The following XAB2 variants were observed in gnomAD, a reference collection of about 807,000 sequenced individuals.
XAB2 encodes the protein XPA binding protein 2.
Under a neutral mutation model 113.4 loss-of-function variants are expected in XAB2, and 57 were observed. The ratio of observed to expected loss-of-function variants is 0.50; its 90% CI spans 0.41 to 0.63. The LOEUF (loss-of-function observed/expected upper bound fraction) is 0.63. Ranked by LOEUF, XAB2 falls within the 20% of genes least tolerant of loss-of-function variation. XAB2 has a pLI of 0.00. For synonymous variants in XAB2, 497 were observed against 498.8 expected (o/e 1.00, Z 0.05); for missense variants, 1,037 against 1,233.3 (o/e 0.84, Z 2.38).
chr19:7,627,193 G>A lies in XAB2; in HGVS notation c.522+50C>T. Reference sequence around the variant, plus strand: ...CTACGCGGAGCTAGTGTCACAGTGAGGCCGTTTCTGGAAACTAACCTGGGG... The same window carrying A: ...CTACGCGGAGCTAGTGTCACAGTGAAGCCGTTTCTGGAAACTAACCTGGGG... On this transcript the variant is annotated intron_variant, in intron 4 of 18. Transcript: ENST00000358368. This position sits in a 1 kb window ranked among gnomAD's most constrained non-coding sequence, Gnocchi z 4.5. The A allele has an allele frequency of 1.3e-6, 2 of 1,596,876 alleles. No homozygotes were observed. Among genetic ancestry groups the A allele is most frequent in the Non-Finnish European group, 1.7e-6 (2 of 1,173,868 alleles).
In XAB2 at chr19:7,623,722, T is replaced by C. The variant is rs1160745009; in HGVS notation, c.1119+9A>G. On this transcript the variant is annotated intron_variant, in intron 8 of 18. Coordinates refer to ENST00000358368, the MANE Select transcript of XAB2 (RefSeq NM_020196.3). The surrounding 1 kb of genome is among the most constrained non-coding windows in gnomAD (Gnocchi z 4.6). ...CCTCAGGGGTAGGACTGGGGCAGGC[T>C]TCATGTACCTCCCGGGGGCGGCCCT... 1 of 1,590,258 alleles carries C rather than the reference T, an allele frequency of 6.3e-7. No homozygotes were observed. The highest frequency in any genetic ancestry group is 1.1e-5 in the South Asian group (1 of 88,418).
Position 7,623,787 on chromosome 19 carries a change from G to A in XAB2, c.1063C>T (p.His355Tyr), listed in dbSNP as rs746330404. The A allele has an allele frequency of 1.4e-5, 23 of 1,612,152 alleles. No individual in the cohort carries two copies. In the South Asian group the frequency reaches 2.4e-4, roughly 17 times the overall value. ...LNSVLLRQNP[H>Y]HVHEWHKRVA... ...CGCTTGTGCCACTCGTGCACGTGGT[G>A]TGGGTTTTGGCGCAGCAAGACGCTG... The change falls in exon 8 of 19, where the codon CAC becomes TAC. Residue 355 changes from histidine (H) to tyrosine (Y), a missense_variant. Physicochemically the swap from His to Tyr is moderately conservative, Grantham distance 83 (BLOSUM62 2). Coordinates refer to ENST00000358368, the MANE Select transcript of XAB2 (RefSeq NM_020196.3). This position sits in a 1 kb window ranked among gnomAD's most constrained non-coding sequence, Gnocchi z 4.6.
In XAB2 at chr19:7,627,959, G is replaced by A; in HGVS notation, c.201-108C>T. 6.5e-7 allele frequency: 1 copy of A among 1,535,690 alleles called. No individual in the cohort carries two copies. Among genetic ancestry groups the A allele is most frequent in the Non-Finnish European group, 8.8e-7 (1 of 1,135,258 alleles). On this transcript the variant is annotated intron_variant, in intron 2 of 18. Coordinates refer to ENST00000358368, the MANE Select transcript of XAB2 (RefSeq NM_020196.3). The surrounding 1 kb of genome is among the most constrained non-coding windows in gnomAD (Gnocchi z 4.5). ...TGTGGGAAGAAGGGGTGTGGGAGGG[G>A]TGACATGTCTCAGCAATGACAGGGA...
In XAB2 at chr19:7,628,698, C is replaced by T. The variant is rs1033074987; in HGVS notation, c.52-400G>A. Among the ~76,000 whole-genome samples, 2 of 152,270 alleles carry T rather than the reference C, an allele frequency of 1.3e-5. No homozygotes were observed. The highest frequency in any genetic ancestry group is 2.1e-4 in the South Asian group (1 of 4,828). On this transcript the variant is annotated intron_variant, in intron 1 of 18. Coordinates refer to ENST00000358368, the MANE Select transcript of XAB2 (RefSeq NM_020196.3). This position sits in a 1 kb window ranked among gnomAD's most constrained non-coding sequence, Gnocchi z 4.6. ...ACGTGCCTCTTCCCAGACACCAGGCCTTTGGCCCCTCAGACTCCCACTGTC... is the reference window on the plus strand; with the variant it reads ...ACGTGCCTCTTCCCAGACACCAGGCTTTTGGCCCCTCAGACTCCCACTGTC...
rs1337733313 is a variant in XAB2 at position 7,628,756 on chromosome 19, T to C, written c.52-458A>G. ...GACCCATCTCCACCCCAGGCCCAGA[T>C]GACCAGATCTTTACCCCAGCCACCA... On this transcript the variant is annotated intron_variant, in intron 1 of 18. Coordinates refer to ENST00000358368, the MANE Select transcript of XAB2 (RefSeq NM_020196.3). The surrounding 1 kb of genome is among the most constrained non-coding windows in gnomAD (Gnocchi z 4.6). 6.6e-6 allele frequency among the ~76,000 whole-genome samples: 1 copy of C among 152,120 alleles called. No individual in the cohort carries two copies. Among genetic ancestry groups the C allele is most frequent in the Non-Finnish European group, 1.5e-5 (1 of 68,024 alleles).
At chr19:7,626,401 C>T in intron 4 of XAB2, 131 bp from the exon 5 acceptor site, 1 of 1,321,508 alleles carries the variant, frequency 7.6e-7, no homozygotes, top group East Asian at 2.3e-5. Flanking sequence ...CCCTGTCAAA[C>T]CAGCCTCAGC....
At position 7,621,025 on chromosome 19, in the gene XAB2, G is replaced by T; in HGVS notation, c.1792C>A (p.Leu598Met). 1 of 1,556,852 alleles carries T rather than the reference G, an allele frequency of 6.4e-7. No individual in the cohort carries two copies. ...PPKYAKTLYLLYAQLEEEWGL... is the reference protein window; with the variant it reads ...PPKYAKTLYLMYAQLEEEWGL... ...CACTCCTCCTCCAGCTGTGCGTACA[G>T]CAGGTACAAGGCTGGGCGGGGTAGG... is the stretch of plus-strand genomic sequence containing the variant. The change falls in exon 14 of 19, where the codon CTG becomes ATG. Residue 598 changes from leucine to methionine, a missense_variant. Physicochemically the swap from Leu to Met is conservative, Grantham distance 15. Transcript: ENST00000358368.
At position 7,627,576 on chromosome 19, in the gene XAB2, A is replaced by G; in HGVS notation, c.325-136T>C. On this transcript the variant is annotated intron_variant, in intron 3 of 18. Coordinates refer to ENST00000358368, the MANE Select transcript of XAB2 (RefSeq NM_020196.3). This position sits in a 1 kb window ranked among gnomAD's most constrained non-coding sequence, Gnocchi z 4.5. ...GCGGGACCCAGAAACCCCCAGCTCC[A>G]GGACTGAGTCCAGCCCAACTTCCCA... The G allele has an allele frequency of 6.6e-7, 1 of 1,510,278 alleles. No individual in the cohort carries two copies. The highest frequency in any genetic ancestry group is 9.0e-7 in the Non-Finnish European group (1 of 1,112,702). The allele number at this position is 1,510,278 out of a possible 1,614,324, so 93.6% of individuals were successfully genotyped here.
At chr19:7,622,041 G>T (rs920485240) in intron 12 of XAB2, 1 of 354,006 alleles carries the variant, frequency 2.8e-6, no homozygotes, top group African/African-American at 2.1e-5. Context: ...TCCTTTATAA[G>T]AAGAGGAAAT....
At chr19:7,626,949 A>G (rs927718891) in intron 4 of XAB2, among the ~76,000 whole-genome samples, 6 of 152,142 alleles carry the variant, frequency 3.9e-5, no homozygotes, top group Non-Finnish European at 7.3e-5. Flanking sequence ...ACTCTAGTTC[A>G]TGCCATCAGC....
rs535924698 is a variant in XAB2, at chr19:7,627,457, A to G, written c.325-17T>C. ...ACGAGGCATCTGGGGGTGTGGGGAGAGGCGGCTGGGGCTAAGCCACGGACT... is the reference window on the plus strand; with the variant it reads ...ACGAGGCATCTGGGGGTGTGGGGAGGGGCGGCTGGGGCTAAGCCACGGACT... On this transcript the variant is annotated splice_polypyrimidine_tract_variant and intron_variant, in intron 3 of 18. Transcript: ENST00000358368. This position sits in a 1 kb window ranked among gnomAD's most constrained non-coding sequence, Gnocchi z 4.5. The G allele has an allele frequency of 1.9e-6, 3 of 1,594,748 alleles. No homozygotes were observed. In the South Asian group the frequency reaches 3.4e-5, roughly 18 times the overall value.
In XAB2 at chr19:7,627,956, G is replaced by A. The variant is rs116606298; in HGVS notation, c.201-105C>T. On this transcript the variant is annotated intron_variant, in intron 2 of 18. Transcript: ENST00000358368. The surrounding 1 kb of genome is among the most constrained non-coding windows in gnomAD (Gnocchi z 4.5). ...AAATGTGGGAAGAAGGGGTGTGGGA[G>A]GGGTGACATGTCTCAGCAATGACAG... 2,586 of 1,538,888 alleles carry A rather than the reference G, an allele frequency of 1.7e-3. 25 individuals carry two copies. In the African/African-American group the frequency reaches 0.02, roughly 12 times the overall value.
In XAB2 at chr19:7,628,376, C is replaced by G; in HGVS notation, c.52-78G>C. 1.3e-6 allele frequency: 2 copies of G among 1,577,174 alleles called. No homozygotes were observed. The highest frequency in any genetic ancestry group is 1.3e-5 in the African/African-American group (1 of 74,160). On this transcript the variant is annotated intron_variant, in intron 1 of 18. Coordinates refer to ENST00000358368, the MANE Select transcript of XAB2 (RefSeq NM_020196.3). The surrounding 1 kb of genome is among the most constrained non-coding windows in gnomAD (Gnocchi z 4.6). ...GCAGCACCATCCCACTGCTGGGGCT[C>G]AGGTCCAAACTCCGGACTTTTACCT...
intron 1 of XAB2, among the ~76,000 whole-genome samples, 158 bp downstream of exon 1, chr19:7,629,319 T>G (rs1020813423): frequency 1.3e-5 from 2 of 152,206 alleles, no homozygotes; most frequent in Admixed American, 6.5e-5. Flanking sequence ...GACAGTTCGG[T>G]GCGGACATGA....
At chr19:7,629,268 C>G (rs1234307672) in intron 1 of XAB2, among the ~76,000 whole-genome samples, 1 of 152,240 alleles carries the variant, frequency 6.6e-6, no homozygotes, top group African/African-American at 2.4e-5. Flanking sequence ...CAGTGGTTTT[C>G]TACTCAGACC....
At position 7,626,037 on chromosome 19, in the gene XAB2, TGCC is replaced by T; in HGVS notation, c.662_664del (p.Trp221_His222delinsTyr). ...CTGGGAGATGAGGTCGCACAGCTCG[TGCC>T]ACAGCTGCAGGGCATGGGGCAGTGG... On this transcript the variant is annotated inframe_deletion, in exon 6 of 19. Transcript: ENST00000358368. 1 of 1,609,288 alleles carries T rather than the reference TGCC, an allele frequency of 6.2e-7. No homozygotes were observed. Among genetic ancestry groups the T allele is most frequent in the Non-Finnish European group, 8.5e-7 (1 of 1,176,366 alleles).
In XAB2 at chr19:7,624,461, G is replaced by C. The variant is rs754974069; in HGVS notation, c.823-16C>G. 23 of 1,613,794 alleles carry C rather than the reference G, an allele frequency of 1.4e-5. No homozygotes were observed. The highest frequency in any genetic ancestry group is 1.9e-5 in the Non-Finnish European group (23 of 1,179,986). ...CGTCCCGAGCCTGTGGGGACCCAGG[G>C]AAGGGGAGGTGAGAGGAAAGTGGCG... On this transcript the variant is annotated splice_polypyrimidine_tract_variant and intron_variant, in intron 6 of 18. Transcript: ENST00000358368. The surrounding 1 kb of genome is among the most constrained non-coding windows in gnomAD (Gnocchi z 4.2).
intron 12 of XAB2, 148 bp from the exon 13 acceptor site, chr19:7,621,445 T>C: frequency 1.2e-6 from 1 of 831,524 alleles, no homozygotes; most frequent in South Asian, 1.6e-5. Flanking sequence ...CTAATGGCAG[T>C]TGTGGGGGTC....
In XAB2 at chr19:7,620,412, A is replaced by G. The variant is rs753963390; in HGVS notation, c.2129T>C (p.Phe710Ser). The G allele has an allele frequency of 6.8e-6, 11 of 1,610,904 alleles. No individual in the cohort carries two copies. Among genetic ancestry groups the G allele is most frequent in the Non-Finnish European group, 9.3e-6 (11 of 1,179,568 alleles). The change falls in exon 16 of 19, where the codon TTT (phenylalanine) becomes TCT (serine). Residue 710 changes from phenylalanine to serine, a missense_variant. By Grantham distance (155) the Phe-to-Ser change is radical. Transcript: ENST00000358368. ...TGAFWQTWKD[F>S]EVRHGNEDTI... ...GTCCTCATTGCCATGCCGGACCTCAAAGTCCTTCCACGTCTGCCAGAACGC... is the reference window on the plus strand; with the variant it reads ...GTCCTCATTGCCATGCCGGACCTCAGAGTCCTTCCACGTCTGCCAGAACGC...
Sources: gnomAD v4.1 joint callset for allele counts (sites outside exome capture counted in the v4.1 genomes callset) on GRCh38, gnomAD v4.1.1 for gene constraint, Gnocchi (gnomAD v3.1) non-coding constraint, MANE v1.5 for transcripts, NCBI Gene and HGNC (gene_info 2026-07-23, HGNC 2026-07-21) for gene names.